The following RBFOX1 variants were observed in gnomAD, a reference collection of about 807,000 sequenced individuals.
RBFOX1 encodes RNA binding fox-1 homolog 1, also known as RNA binding protein fox-1 homolog 1.
In RBFOX1, 8 loss-of-function variants were observed where a neutral mutation model predicts 57.7. That is an observed-to-expected ratio of 0.14 (90% CI 0.08 to 0.25). RBFOX1 has a LOEUF of 0.25. Among genes scored for constraint, RBFOX1 ranks in the 10% least tolerant of loss-of-function variants. The pLI is 1.00. For synonymous variants in RBFOX1, 326 were observed against 222.4 expected, an observed-to-expected ratio of 1.47 and a Z score of -4.15; for missense variants, 611 against 548.5, an observed-to-expected ratio of 1.11 and a Z score of -1.14.
At chr16:7,523,962 G>C (rs1392481764) in intron 5 of RBFOX1, among the ~76,000 whole-genome samples, 1 of 152,134 alleles carries the variant, frequency 6.6e-6, no homozygotes, top group Non-Finnish European at 1.5e-5. Flanking sequence ...CTCAAAGTGG[G>C]TCAGAACTAT....
chr16:7,254,498 C>CTTT (rs72529074), intron 4 of RBFOX1, among the ~76,000 whole-genome samples: 11 of 150,976 alleles, frequency 7.3e-5, no homozygotes, highest in South Asian at 2.1e-4. Flanking sequence ...CTCTCTCTCT[C>CTTT]TTTTTTTTTA....
rs116863258 is a variant in RBFOX1, at chr16:5,468,175, A to G, written c.258+921A>G. Among the ~76,000 whole-genome samples the G allele has an allele frequency of 7.7e-4, 118 of 152,292 alleles. No homozygotes were observed. The East Asian group carries it at 0.019, about 24-fold the overall frequency. ...AAGAGTTTGAGTAGCTCCTTTTTAA[A>G]CAAATTGTGTTGAGGTGAAATTCAC... On this transcript the variant is annotated intron_variant, in intron 2 of 2. Transcript: ENST00000585867.
chr16:7,256,167 T>C (rs1264464230), intron 4 of RBFOX1, among the ~76,000 whole-genome samples: 1 of 152,196 alleles, frequency 6.6e-6, no homozygotes, highest in Non-Finnish European at 1.5e-5. Flanking sequence ...CGTGACCTAT[T>C]TTCAGTCGAG....
chr16:7,235,378 A>G (rs2093716198), intron 4 of RBFOX1, among the ~76,000 whole-genome samples: 2 of 152,192 alleles, frequency 1.3e-5, no homozygotes, highest in African/African-American at 4.8e-5. Context: ...TCCAGGAGGC[A>G]AGAGAATGAG....
At chr16:6,508,579 C>G (rs1441918813) in intron 2 of RBFOX1, among the ~76,000 whole-genome samples, 2 of 152,136 alleles carry the variant, frequency 1.3e-5, no homozygotes, top group South Asian at 2.1e-4. Flanking sequence ...CCCGTAACAT[C>G]TCGTCTCTGC....
At chr16:6,331,996 G>T (rs999393477) in intron 2 of RBFOX1, among the ~76,000 whole-genome samples, 1 of 152,154 alleles carries the variant, frequency 6.6e-6, no homozygotes, top group Admixed American at 6.6e-5. Context: ...ACAGGCTGCT[G>T]AAAAGAAACA....
chr16:6,473,804 C>T (rs544325575), intron 2 of RBFOX1, among the ~76,000 whole-genome samples: 27 of 152,162 alleles, frequency 1.8e-4, no homozygotes, highest in African/African-American at 6.5e-4. Context: ...TGCAGATGGG[C>T]TAAGTAGAAA....
At chr16:5,863,914 C>G (rs2151891495) in intron 3 of RBFOX1, among the ~76,000 whole-genome samples, 1 of 152,164 alleles carries the variant, frequency 6.6e-6, no homozygotes, top group Non-Finnish European at 1.5e-5. Flanking sequence ...TCGTGAATTT[C>G]TTTTAACTTT....
At chr16:7,295,436 A>G (rs1413134750) in intron 4 of RBFOX1, among the ~76,000 whole-genome samples, 1 of 152,192 alleles carries the variant, frequency 6.6e-6, no homozygotes, top group African/African-American at 2.4e-5. Flanking sequence ...TAGTTGCTAT[A>G]TATTGAGTGG....
chr16:5,758,052 G>A (rs146228144), intron 3 of RBFOX1, among the ~76,000 whole-genome samples: 109 of 152,296 alleles, frequency 7.2e-4, no homozygotes, highest in African/African-American at 2.6e-3. Context: ...GGGGTTGGAA[G>A]CCTGACGGGA....
At chr16:6,344,400 TTTTTTTC>T (rs1567979365) in intron 2 of RBFOX1, among the ~76,000 whole-genome samples, 1 of 100,868 alleles carries the variant, frequency 9.9e-6, no homozygotes, top group African/African-American at 6.2e-5. Flanking sequence ...TCTTTTTTCT[TTTTTTTC>T]TTTTTTTTTT....
intron 1 of RBFOX1, among the ~76,000 whole-genome samples, chr16:6,237,254 A>C (rs938550345): frequency 2.6e-5 from 4 of 152,220 alleles, no homozygotes; most frequent in African/African-American, 9.6e-5. Context: ...GTTGTTCTGG[A>C]ATGTGAAATT....
chr16:6,030,550 A>G (rs1457557629), intron 1 of RBFOX1, among the ~76,000 whole-genome samples: 1 of 152,210 alleles, frequency 6.6e-6, no homozygotes, highest in Non-Finnish European at 1.5e-5. Flanking sequence ...TACCTTTGCA[A>G]GGTACCTAAT....
chr16:7,230,215 T>A (rs963189205), intron 4 of RBFOX1, among the ~76,000 whole-genome samples: 10 of 151,896 alleles, frequency 6.6e-5, no homozygotes, highest in African/African-American at 2.4e-4. Context: ...TGTCAGTCAC[T>A]GTGGAAGACA....
chr16:6,080,435 C>T (rs1280999176), intron 1 of RBFOX1, among the ~76,000 whole-genome samples: 1 of 152,188 alleles, frequency 6.6e-6, no homozygotes, highest in Admixed American at 6.5e-5. Flanking sequence ...TCCTGTTATG[C>T]ACCAAGCATT....
intron 3 of RBFOX1, among the ~76,000 whole-genome samples, chr16:6,798,818 A>G (rs1165201080): frequency 6.6e-6 from 1 of 152,130 alleles, no homozygotes; most frequent in African/African-American, 2.4e-5. Context: ...CTGTGATTAG[A>G]TTGTGTTCCC....
At chr16:6,810,128 A>C (rs1010856972) in intron 3 of RBFOX1, among the ~76,000 whole-genome samples, 9 of 151,946 alleles carry the variant, frequency 5.9e-5, no homozygotes, top group African/African-American at 2.2e-4. Flanking sequence ...TTTACCAACA[A>C]ATATGCCTCT....
rs1275976225 is a variant in RBFOX1 at position 6,559,188 on chromosome 16, AACAC to A, written c.-63-95410_-63-95407del. ...TTGTGTGTACATATATATATACACA[AACAC>A]ACACTCACATAGTCACATGTCATGT... is the stretch of plus-strand genomic sequence containing the variant. On this transcript the variant is annotated intron_variant, in intron 2 of 15. Transcript: ENST00000550418. Among the ~76,000 whole-genome samples, 9 of 151,876 alleles carry A rather than the reference AACAC, an allele frequency of 5.9e-5. No homozygotes were observed. The East Asian group carries it at 7.8e-4, about 13-fold the overall frequency.
At chr16:7,517,605 C>A (rs1254357064) in intron 4 of RBFOX1, among the ~76,000 whole-genome samples, 1 of 151,672 alleles carries the variant, frequency 6.6e-6, no homozygotes, top group Non-Finnish European at 1.5e-5. Flanking sequence ...GACACTGGGA[C>A]CATTAAAAGG....
Sources: allele counts gnomAD v4.1 joint callset (sites outside exome capture counted in the v4.1 genomes callset), GRCh38; gene constraint gnomAD v4.1.1; transcripts MANE v1.5; gene names NCBI Gene and HGNC (gene_info 2026-07-23, HGNC 2026-07-21).